Variants in ASDURF observed in about 807,000 individuals in gnomAD.
ASDURF encodes ASNSD1 upstream open reading frame.
In ASDURF, 3 loss-of-function variants were observed where a neutral mutation model predicts 3.3. The observed-to-expected ratio is 0.92, with a 90% CI of 0.42 to 2.37. The LOEUF is 2.37. Ranked by LOEUF, ASDURF falls within the 30% of genes most tolerant of loss-of-function variation. The pLI is 0.05. For missense variants in ASDURF, 23 were observed against 25.4 expected (o/e 0.90, Z 0.21); for synonymous variants, 11 against 8.3 (o/e 1.32, Z -0.55).
At chr2:189,662,172 A>G (rs948680968) in intron 1 of ASDURF, among the ~76,000 whole-genome samples, 2 of 152,216 alleles carry the variant, frequency 1.3e-5, no homozygotes, top group South Asian at 2.1e-4. Context: ...AACCAGAGCA[A>G]TGGTCCTAAA....
At chr2:189,661,961 C>A (rs750799337) in intron 1 of ASDURF, among the ~76,000 whole-genome samples, 1 of 152,214 alleles carries the variant, frequency 6.6e-6, no homozygotes, top group Non-Finnish European at 1.5e-5. Context: ...ATGCCAGCAA[C>A]CCGGGGTCCA....
intron 3 of ASDURF, 109 bp downstream of exon 3, chr2:189,665,560 A>C: frequency 3.5e-6 from 1 of 285,624 alleles, no homozygotes; most frequent in Non-Finnish European, 6.2e-6. Context: ...TCTTCAAATT[A>C]GGCTTCCGAA....
In ASDURF at chr2:189,661,646, C is replaced by T. The variant is rs931735997; in HGVS notation, c.90+36C>T. Reference sequence around the variant, plus strand: ...GACGCGACGAAAAGGCTCCTGGACTCGGGACCGGGCGCCACTGGACCCTGA... The same window carrying T: ...GACGCGACGAAAAGGCTCCTGGACTTGGGACCGGGCGCCACTGGACCCTGA... On this transcript the variant is annotated intron_variant, in intron 1 of 3. Transcript: ENST00000607829. 7 of 399,234 alleles carry T rather than the reference C, an allele frequency of 1.8e-5. No homozygotes were observed. In the Admixed American group the frequency reaches 3.1e-4, roughly 18 times the overall value. 24.7% of individuals were successfully genotyped at this position (399,234 alleles called of 1,614,324 possible).
At chr2:189,662,221 A>G (rs936968655) in intron 1 of ASDURF, among the ~76,000 whole-genome samples, 3 of 152,188 alleles carry the variant, frequency 2.0e-5, no homozygotes, top group Admixed American at 1.3e-4. Context: ...ACTGGGGGAG[A>G]GAGGAAGCCA....
chr2:189,664,768 A>G (rs1219052126), intron 2 of ASDURF, among the ~76,000 whole-genome samples: 1 of 151,856 alleles, frequency 6.6e-6, no homozygotes, highest in African/African-American at 2.4e-5. Flanking sequence ...AAAGAAGTTG[A>G]GGCAGAATTA....
At chr2:189,664,293 G>T (rs1022764324) in intron 2 of ASDURF, among the ~76,000 whole-genome samples, 3 of 152,116 alleles carry the variant, frequency 2.0e-5, no homozygotes, top group Non-Finnish European at 4.4e-5. Context: ...GAGATGAGAA[G>T]AAACTTTTCT....
rs1233932845 is a variant in ASDURF at position 189,665,596 on chromosome 2, GTGTATATATATATATATATATATATATA to G, written c.220+147_220+174del. ...GATGAGTCAACAGTTATATATATAT[GTGTATATATATATATATATATATATATA>G]TATATATATATATATATATATATTA... On this transcript the variant is annotated intron_variant, in intron 3 of 3. Transcript: ENST00000607829. 1.1e-3 allele frequency: 124 copies of G among 111,596 alleles called. 5 individuals carry two copies. The Middle Eastern group carries it at 0.013, about 11-fold the overall frequency. The allele number at this position is 111,596 out of a possible 1,614,324, so 6.9% of individuals were successfully genotyped here.
chr2:189,663,464 G>T (rs1298871632), intron 1 of ASDURF, among the ~76,000 whole-genome samples: 2 of 152,050 alleles, frequency 1.3e-5, no homozygotes, highest in Non-Finnish European at 2.9e-5. Context: ...TGTTGGTCAG[G>T]CTGGTCTCGA....
At chr2:189,663,732 C>T (rs146530100) in intron 1 of ASDURF, among the ~76,000 whole-genome samples, 169 bp from the exon 2 acceptor site, 4 of 152,190 alleles carry the variant, frequency 2.6e-5, no homozygotes, top group African/African-American at 9.6e-5. Context: ...TACCCCCACA[C>T]AGAGACTCCT....
rs2032798414 is a variant in ASDURF, at chr2:189,666,216, A to G, written c.*105A>G. The G allele has an allele frequency of 1.2e-6, 2 of 1,613,420 alleles. No homozygotes were observed. Among genetic ancestry groups the G allele is most frequent in the African/African-American group, 1.3e-5 (1 of 74,928 alleles). The stretch of plus-strand genomic sequence containing the variant: ...AAGAGGACTTACTATATAATCTTAA[A>G]CAGCGGGGACCCAATAGTAGTAAAC... On this transcript the variant is annotated 3_prime_UTR_variant, in exon 4 of 4. Coordinates refer to ENST00000607829, the MANE Select transcript of ASDURF (RefSeq NM_001353493.2).
At chr2:189,662,176 T>C (rs1347737237) in intron 1 of ASDURF, among the ~76,000 whole-genome samples, 11 of 152,152 alleles carry the variant, frequency 7.2e-5, no homozygotes, top group Non-Finnish European at 1.6e-4. Flanking sequence ...AGAGCAATGG[T>C]CCTAAAACAC....
chr2:189,665,235 T>C (rs1057277292), intron 2 of ASDURF, 141 bp from the exon 3 acceptor site: 15 of 369,390 alleles, frequency 4.1e-5, no homozygotes, highest in Non-Finnish European at 5.3e-5. Context: ...TGGGTGACTT[T>C]TATTTGTCTT....
At chr2:189,664,931 C>G (rs1044556457) in intron 2 of ASDURF, among the ~76,000 whole-genome samples, 1 of 152,244 alleles carries the variant, frequency 6.6e-6, no homozygotes, top group East Asian at 1.9e-4. Flanking sequence ...ATCATCACAA[C>G]CTTGATTTAC....
At chr2:189,664,078 A>G (rs2032733115) in intron 2 of ASDURF, 124 bp downstream of exon 2, 1 of 329,850 alleles carries the variant, frequency 3.0e-6, no homozygotes, top group South Asian at 1.6e-4. Context: ...GTATTTCAGC[A>G]TCTTTTAAAA....
intron 1 of ASDURF, among the ~76,000 whole-genome samples, chr2:189,663,616 A>G (rs957019450): frequency 6.6e-6 from 1 of 152,238 alleles, no homozygotes; most frequent in Non-Finnish European, 1.5e-5. Context: ...AGTCCTTGGC[A>G]TGATTGCTGG....
chr2:189,663,552 C>A (rs1414204448), intron 1 of ASDURF, among the ~76,000 whole-genome samples: 1 of 152,192 alleles, frequency 6.6e-6, no homozygotes, highest in Non-Finnish European at 1.5e-5. Flanking sequence ...CGCACCCGGC[C>A]TGGTGTATAT....
chr2:189,663,241 T>A (rs531564297), intron 1 of ASDURF, among the ~76,000 whole-genome samples: 2,897 of 151,388 alleles, frequency 0.019, 87 homozygotes, highest in African/African-American at 0.064. Flanking sequence ...ATATATATAT[T>A]TTTTAAATTA....
At chr2:189,663,677 G>A (rs183889996) in intron 1 of ASDURF, among the ~76,000 whole-genome samples, 1 of 152,292 alleles carries the variant, frequency 6.6e-6, no homozygotes, top group East Asian at 1.9e-4. Context: ...CTAACATTTT[G>A]CAAGTCTAAT....
chr2:189,665,259 A>G (rs1377409468), intron 2 of ASDURF, 117 bp from the exon 3 acceptor site: 2 of 369,858 alleles, frequency 5.4e-6, no homozygotes, highest in African/African-American at 4.2e-5. Context: ...GCTTGTCTGT[A>G]TTTGCTAAAG....
Sources: allele counts gnomAD v4.1 joint callset (sites outside exome capture counted in the v4.1 genomes callset), GRCh38; gene constraint gnomAD v4.1.1; transcripts MANE v1.5; gene names NCBI Gene and HGNC (gene_info 2026-07-23, HGNC 2026-07-21).